DNAJA2: variants seen among roughly 807,000 people sequenced by gnomAD.
DNAJA2 encodes the protein dnaJ homolog subfamily A member 2.
DNAJA2 carries 6 observed loss-of-function variants against 49.3 expected under a neutral mutation model. That is an observed-to-expected ratio of 0.12 (90% CI 0.07 to 0.24). The LOEUF (loss-of-function observed/expected upper bound fraction) is 0.24. DNAJA2 is among the 10% of genes least tolerant of loss of function. DNAJA2 has a pLI of 1.00. For missense variants in DNAJA2, 347 were observed against 516.8 expected (o/e 0.67, Z 3.19); for synonymous variants, 160 against 172.7 (o/e 0.93, Z 0.58).
chr16:46,968,647 A>C (rs1962006854), intron 3 of DNAJA2, among the ~76,000 whole-genome samples: 1 of 152,224 alleles, frequency 6.6e-6, no homozygotes, highest in African/African-American at 2.4e-5. Context: ...GACAATTTAG[A>C]AAGGCTACAA....
In DNAJA2 at chr16:46,960,383, A is replaced by T. The variant is rs117035113; in HGVS notation, c.775-964T>A. ...TCCAGGCAATTCTTGTGTGTGTGCT[A>T]AAGTTTGAGATCCAAGAAGGTATGT... On this transcript the variant is annotated intron_variant, in intron 6 of 8. Coordinates refer to ENST00000317089, the MANE Select transcript of DNAJA2 (RefSeq NM_005880.4). Among the ~76,000 whole-genome samples, 752 of 152,330 alleles carry T rather than the reference A, an allele frequency of 4.9e-3. 6 individuals are homozygous for T. The highest frequency in any genetic ancestry group is 8.2e-3 in the Non-Finnish European group (556 of 68,022).
intron 8 of DNAJA2, 43 bp downstream of exon 8, chr16:46,958,960 C>T (rs749435373): frequency 1.3e-6 from 2 of 1,554,624 alleles, no homozygotes; most frequent in African/African-American, 2.8e-5. Context: ...AACCGAACTC[C>T]AAACTTGGAA....
intron 7 of DNAJA2, 31 bp downstream of exon 7, chr16:46,959,243 GA>G: frequency 6.3e-7 from 1 of 1,584,290 alleles, no homozygotes; most frequent in Non-Finnish European, 8.6e-7. Flanking sequence ...AAAAATACTT[GA>G]AAACCAGAAT....
rs1961803892 is a variant in DNAJA2 at position 46,955,979 on chromosome 16, A to T, written c.*1050T>A. ...CTATAAAACATTACAGAAACTCAAA[A>T]TAATAATCAATGGCTTCTCCAATTC... On this transcript the variant is annotated 3_prime_UTR_variant, in exon 9 of 9. Transcript: ENST00000317089. 6.6e-6 allele frequency: 1 copy of T among 152,244 alleles called. No homozygotes were observed. Among genetic ancestry groups the T allele is most frequent in the East Asian group, 1.9e-4 (1 of 5,204 alleles). The allele number at this position is 152,244 out of a possible 1,614,324, so 9.4% of individuals were successfully genotyped here.
intron 2 of DNAJA2, 132 bp from the exon 3 acceptor site, chr16:46,971,704 G>C: frequency 1.2e-6 from 1 of 839,110 alleles, no homozygotes; most frequent in African/African-American, 1.8e-5. Flanking sequence ...ACTTGATTCT[G>C]GTTCTATTTA....
chr16:46,973,113 T>A (rs1326062385), intron 1 of DNAJA2, among the ~76,000 whole-genome samples: 1 of 152,094 alleles, frequency 6.6e-6, no homozygotes, highest in Non-Finnish European at 1.5e-5. Flanking sequence ...CGGGATGCGC[T>A]GAGCACCTCG....
rs1216340721 is a variant in DNAJA2, at chr16:46,956,600, T to G, written c.*429A>C. 6.2e-6 allele frequency: 1 copy of G among 160,332 alleles called. No homozygotes were observed. The highest frequency in any genetic ancestry group is 2.4e-5 in the African/African-American group (1 of 41,504). The allele number at this position is 160,332 out of a possible 1,614,324, so 9.9% of individuals were successfully genotyped here. A position where few individuals can be genotyped will look rare whatever the true frequency, so the allele number is the denominator to read the frequency against. On this transcript the variant is annotated 3_prime_UTR_variant, in exon 9 of 9. Transcript: ENST00000317089. ...GCATCTAAATGATAGATACAGGCTA[T>G]GAAATTCTTTATTCTATTTGTAGCA...
rs1596653210 is a variant in DNAJA2, at chr16:46,956,191, C to T, written c.*838G>A. The T allele has an allele frequency of 2.0e-5, 3 of 152,240 alleles. No homozygotes were observed. In the East Asian group the frequency reaches 5.8e-4, roughly 29 times the overall value. The allele number at this position is 152,240 out of a possible 1,614,324, so 9.4% of individuals were successfully genotyped here. On this transcript the variant is annotated 3_prime_UTR_variant, in exon 9 of 9. Coordinates refer to ENST00000317089, the MANE Select transcript of DNAJA2 (RefSeq NM_005880.4). ...TGGGAGTTACAGCACTCAAGACACC[C>T]TGGCCTCTACAGAGCATCACTGAAG...
In DNAJA2 at chr16:46,969,141, G is replaced by A. The variant is rs948184206; in HGVS notation, c.363-977C>T. On this transcript the variant is annotated intron_variant, in intron 3 of 8. Coordinates refer to ENST00000317089, the MANE Select transcript of DNAJA2 (RefSeq NM_005880.4). ...ATTTCAGATTAGTAATGGTCATCCC[G>A]TAATGATCTGCTTTAAAATCCTGGG... Among the ~76,000 whole-genome samples the A allele has an allele frequency of 5.9e-5, 9 of 152,180 alleles. No homozygotes were observed. The East Asian group carries it at 1.5e-3, about 26-fold the overall frequency.
At chr16:46,966,160 G>A (rs1463707790) in intron 5 of DNAJA2, among the ~76,000 whole-genome samples, 3 of 152,170 alleles carry the variant, frequency 2.0e-5, no homozygotes, top group African/African-American at 7.2e-5. Context: ...CAGCGTGGGC[G>A]GTGGAGGCTG....
chr16:46,958,909 A>G (rs989974509), intron 8 of DNAJA2, 94 bp downstream of exon 8: 10 of 1,412,426 alleles, frequency 7.1e-6, no homozygotes, highest in African/African-American at 1.4e-5. Context: ...ACACCACTAC[A>G]CCCCAGCCTG....
At chr16:46,965,540 G>T (rs1961956899) in intron 5 of DNAJA2, among the ~76,000 whole-genome samples, 1 of 152,166 alleles carries the variant, frequency 6.6e-6, no homozygotes, top group Non-Finnish European at 1.5e-5. Context: ...TCTTCAAAAT[G>T]GTAATAGTGG....
At chr16:46,965,513 T>C (rs769519899) in intron 5 of DNAJA2, among the ~76,000 whole-genome samples, 4 of 152,194 alleles carry the variant, frequency 2.6e-5, no homozygotes, top group Non-Finnish European at 4.4e-5. Flanking sequence ...GTGCAAAGTA[T>C]GTTCTGCAAA....
intron 6 of DNAJA2, among the ~76,000 whole-genome samples, chr16:46,960,755 G>A (rs568268339): frequency 6.6e-6 from 1 of 152,016 alleles, no homozygotes; most frequent in East Asian, 1.9e-4. Flanking sequence ...CTCCAGCCTG[G>A]GCGACACAGC....
chr16:46,957,725 T>TG (rs1961835414), intron 8 of DNAJA2, among the ~76,000 whole-genome samples: 1 of 152,144 alleles, frequency 6.6e-6, no homozygotes, highest in South Asian at 2.1e-4. Flanking sequence ...TCTATTGCTT[T>TG]AAGAACCAAA....
At chr16:46,964,583 T>C (rs1434993931) in intron 6 of DNAJA2, 28 bp downstream of exon 6, 4 of 1,582,002 alleles carry the variant, frequency 2.5e-6, no homozygotes, top group Non-Finnish European at 3.4e-6. Flanking sequence ...TAAAACAAAA[T>C]ACAAAAAACT....
chr16:46,966,681 T>C (rs927384046), intron 5 of DNAJA2, among the ~76,000 whole-genome samples: 9 of 152,208 alleles, frequency 5.9e-5, no homozygotes, highest in Non-Finnish European at 1.2e-4. Flanking sequence ...TGAGTAGTTG[T>C]GACAAAAACT....
intron 5 of DNAJA2, 21 bp downstream of exon 5, chr16:46,967,492 G>A: frequency 6.2e-7 from 1 of 1,613,142 alleles, no homozygotes; most frequent in Non-Finnish European, 8.5e-7. Context: ...CATAAAAGCA[G>A]AGAAGTACTG....
Position 46,967,651 on chromosome 16 carries a change from A to G in DNAJA2, c.444-5T>C. 2 of 1,614,180 alleles carry G rather than the reference A, an allele frequency of 1.2e-6. No individual in the cohort carries two copies. Among genetic ancestry groups the G allele is most frequent in the African/African-American group, 1.3e-5 (1 of 75,044 alleles). Reference sequence around the variant, plus strand: ...GCTCCAGACTTTCCGCCTTGGCTAAAGCAAGCACAAGTTATGCATTAGGTT... The same window carrying G: ...GCTCCAGACTTTCCGCCTTGGCTAAGGCAAGCACAAGTTATGCATTAGGTT... On this transcript the variant is annotated splice_polypyrimidine_tract_variant and splice_region_variant and intron_variant, in intron 4 of 8. Coordinates refer to ENST00000317089, the MANE Select transcript of DNAJA2 (RefSeq NM_005880.4).
Sources: gnomAD v4.1 joint callset for allele counts (sites outside exome capture counted in the v4.1 genomes callset) on GRCh38, gnomAD v4.1.1 for gene constraint, MANE v1.5 for transcripts, NCBI Gene and HGNC (gene_info 2026-07-23, HGNC 2026-07-21) for gene names.